Variants in MYT1 observed in about 807,000 individuals in gnomAD.
MYT1 encodes myelin transcription factor I.
In MYT1, 23 loss-of-function variants were observed where a neutral mutation model predicts 123.0. That is an observed-to-expected ratio of 0.19 (90% CI 0.13 to 0.26). The LOEUF (loss-of-function observed/expected upper bound fraction) is 0.26. Among genes scored for constraint, MYT1 ranks in the 10% least tolerant of loss-of-function variants. The pLI, the probability that MYT1 is intolerant of heterozygous loss-of-function variation, is 1.00. For missense variants in MYT1, 1,125 were observed against 1,472.5 expected (o/e 0.76, Z 3.86); for synonymous variants, 518 against 575.3 (o/e 0.90, Z 1.43).
chr20:64,218,153 G>GC lies in MYT1; in HGVS notation c.1847-756dup, dbSNP rs1327861352. 1.3e-5 allele frequency among the ~76,000 whole-genome samples: 2 copies of GC among 152,190 alleles called. No individual in the cohort carries two copies. The highest frequency in any genetic ancestry group is 2.9e-5 in the Non-Finnish European group (2 of 68,024). Reference sequence around the variant, plus strand: ...TGCTCTTTAGGATGGAGGACTTCCTGCCTCCAGGCACACATGCCTACTTGG... The same window carrying GC: ...TGCTCTTTAGGATGGAGGACTTCCTGCCCTCCAGGCACACATGCCTACTTGG... On this transcript the variant is annotated intron_variant, in intron 11 of 22. Coordinates refer to ENST00000328439, the MANE Select transcript of MYT1 (RefSeq NM_004535.3). The surrounding 1 kb of genome is among the most constrained non-coding windows in gnomAD (Gnocchi z 4.0).
In MYT1 at chr20:64,213,738, T is replaced by C; in HGVS notation, c.1631+91T>C. 1 of 988,774 alleles carries C rather than the reference T, an allele frequency of 1.0e-6. No individual in the cohort carries two copies. The allele number at this position is 988,774 out of a possible 1,614,324, so 61.3% of individuals were successfully genotyped here. A position where few individuals can be genotyped will look rare whatever the true frequency, so the allele number is the denominator to read the frequency against. ...CTCCCGCAGGCTGTATGTGCATGTG[T>C]GTGAGTGCATGTGTGTGAGTGTACG... is the stretch of plus-strand genomic sequence containing the variant. On this transcript the variant is annotated intron_variant, in intron 10 of 22. Coordinates refer to ENST00000328439, the MANE Select transcript of MYT1 (RefSeq NM_004535.3). The surrounding 1 kb of genome is among the most constrained non-coding windows in gnomAD (Gnocchi z 5.6).
In MYT1 at chr20:64,236,608, G is replaced by A. The variant is rs1000167467; in HGVS notation, c.2951G>A (p.Gly984Glu). The A allele has an allele frequency of 3.1e-6, 5 of 1,613,772 alleles. No individual in the cohort carries two copies. The highest frequency in any genetic ancestry group is 4.2e-6 in the Non-Finnish European group (5 of 1,179,858). Residue 984 changes from glycine (G) to glutamate (E), a missense_variant, in exon 20 of 23, where the codon GGG becomes GAG. Coordinates refer to ENST00000328439, the MANE Select transcript of MYT1 (RefSeq NM_004535.3). Reference protein sequence around the residue: ...TFAGKKGKLSGDEVLSPKFKT... With the variant: ...TFAGKKGKLSEDEVLSPKFKT... ...GCTGGAAAGAAGGGAAAACTGTCAG[G>A]GGATGAGGTCCTCAGTCCAAAGTTC... is the stretch of plus-strand genomic sequence containing the variant.
chr20:64,236,123 T>C (rs1235439045), intron 19 of MYT1, among the ~76,000 whole-genome samples: 5 of 118,704 alleles, frequency 4.2e-5, no homozygotes, highest in East Asian at 2.8e-4. Flanking sequence ...GGGCTGGCTG[T>C]GGTGGGTGAC....
rs909055833 is a variant in MYT1, at chr20:64,217,122, A to G, written c.1687A>G (p.Asn563Asp). The change falls in exon 11 of 23, where the codon AAC becomes GAC. Residue 563 changes from asparagine to aspartate, a missense_variant. Physicochemically the swap from Asn to Asp is conservative, Grantham distance 23. This residue lies in a region of MYT1 where 429 missense variants were observed against 604.1 expected (regional missense o/e 0.71). Coordinates refer to ENST00000328439, the MANE Select transcript of MYT1 (RefSeq NM_004535.3). The stretch of plus-strand genomic sequence containing the variant: ...CCCTCCATATGGGAGCTACCGGCCC[A>G]ACGTGGCCCCCGCCACACCCAGGGC... The part of the protein sequence containing the change: ...EVPPYGSYRP[N>D]VAPATPRANL... 5.6e-6 allele frequency: 9 copies of G among 1,613,982 alleles called. No homozygotes were observed. The African/African-American group carries it at 1.1e-4, about 19-fold the overall frequency.
intron 16 of MYT1, among the ~76,000 whole-genome samples, chr20:64,224,464 T>A (rs1984108331): frequency 6.6e-6 from 1 of 152,208 alleles, no homozygotes; most frequent in Admixed American, 6.5e-5. Flanking sequence ...GAGGCTGGTC[T>A]GGCCCCAGCA....
At position 64,171,309 on chromosome 20, in the gene MYT1, A is replaced by G. The variant is rs985983566; in HGVS notation, c.-99+6570A>G. ...AAGTCCTGTAAGGAGTCTGCTTCCTAGGTGCATCAGCCAGATAGGGAAAAC... is the reference window on the plus strand; with the variant it reads ...AAGTCCTGTAAGGAGTCTGCTTCCTGGGTGCATCAGCCAGATAGGGAAAAC... On this transcript the variant is annotated intron_variant, in intron 1 of 22. Coordinates refer to ENST00000328439, the MANE Select transcript of MYT1 (RefSeq NM_004535.3). Among the ~76,000 whole-genome samples, 5 of 152,094 alleles carry G rather than the reference A, an allele frequency of 3.3e-5. No individual in the cohort carries two copies. In the East Asian group the frequency reaches 9.6e-4, roughly 29 times the overall value.
At position 64,207,727 on chromosome 20, in the gene MYT1, G is replaced by A. The variant is rs1440609807; in HGVS notation, c.531G>A (p.Glu177=). ...SLLNLGQIAE[E]TLVEEDLGQA... Reference sequence around the variant, plus strand: ...TGAACTTGGGTCAAATTGCTGAAGAGACCCTGGTGGAAGAGGACTTGGGCC... The same window carrying A: ...TGAACTTGGGTCAAATTGCTGAAGAAACCCTGGTGGAAGAGGACTTGGGCC... Residue 177 remains glutamate, a synonymous_variant, in exon 7 of 23, where the codon GAG becomes GAA. Coordinates refer to ENST00000328439, the MANE Select transcript of MYT1 (RefSeq NM_004535.3). 4 of 1,614,078 alleles carry A rather than the reference G, an allele frequency of 2.5e-6. No individual in the cohort carries two copies. Among genetic ancestry groups the A allele is most frequent in the Non-Finnish European group, 3.4e-6 (4 of 1,180,018 alleles).
chr20:64,204,604 G>A (rs1298952111), intron 4 of MYT1, among the ~76,000 whole-genome samples: 2 of 121,212 alleles, frequency 1.7e-5, no homozygotes, highest in East Asian at 3.9e-4. Flanking sequence ...TGCAGAGACT[G>A]TTACCCTCGA....
chr20:64,232,495 G>C lies in MYT1; in HGVS notation c.2897+110G>C. 8.8e-7 allele frequency: 1 copy of C among 1,138,480 alleles called. No individual in the cohort carries two copies. 70.5% of individuals were successfully genotyped at this position (1,138,480 alleles called of 1,614,324 possible). On this transcript the variant is annotated intron_variant, in intron 19 of 22. Coordinates refer to ENST00000328439, the MANE Select transcript of MYT1 (RefSeq NM_004535.3). The surrounding 1 kb of genome is among the most constrained non-coding windows in gnomAD (Gnocchi z 6.9). Reference sequence around the variant, plus strand: ...GCCAGACCAGGGCTCCGTGTGACCAGAGTTGCTCAAGGGAAAGGCCAGGCC... The same window carrying C: ...GCCAGACCAGGGCTCCGTGTGACCACAGTTGCTCAAGGGAAAGGCCAGGCC...
At chr20:64,178,928 C>T (rs376714289) in intron 1 of MYT1, among the ~76,000 whole-genome samples, 25 of 126,742 alleles carry the variant, frequency 2.0e-4, no homozygotes, top group East Asian at 2.6e-4. Flanking sequence ...AGCACTGAGC[C>T]GTTATTCAGT....
intron 18 of MYT1, among the ~76,000 whole-genome samples, chr20:64,229,298 CCTT>C (rs1984258535): frequency 6.6e-6 from 1 of 152,194 alleles, no homozygotes; most frequent in Non-Finnish European, 1.5e-5. Flanking sequence ...AAGTGCAACA[CCTT>C]TATGGATTTG....
rs143344503 is a variant in MYT1 at position 64,196,330 on chromosome 20, G to A, written c.1-2532G>A. Among the ~76,000 whole-genome samples, 640 of 152,328 alleles carry A rather than the reference G, an allele frequency of 4.2e-3. 3 individuals are homozygous for A. Among genetic ancestry groups the A allele is most frequent in the African/African-American group, 0.014 (592 of 41,574 alleles). On this transcript the variant is annotated intron_variant, in intron 2 of 22. Transcript: ENST00000328439. The surrounding 1 kb of genome is among the most constrained non-coding windows in gnomAD (Gnocchi z 4.3). Reference sequence around the variant, plus strand: ...CCTGGGTGGTGCTGGGCACAGGGCCGCCCCCAGCACCCGCTCTCCATCTAC... The same window carrying A: ...CCTGGGTGGTGCTGGGCACAGGGCCACCCCCAGCACCCGCTCTCCATCTAC...
At chr20:64,223,913 C>T (rs748115139) in intron 16 of MYT1, among the ~76,000 whole-genome samples, 1 of 152,194 alleles carries the variant, frequency 6.6e-6, no homozygotes, top group Non-Finnish European at 1.5e-5. Context: ...TGGGCTCACC[C>T]GTTTCTGCTT....
At chr20:64,195,230 T>TG (rs1202469683) in intron 2 of MYT1, among the ~76,000 whole-genome samples, 3 of 152,106 alleles carry the variant, frequency 2.0e-5, no homozygotes, top group African/African-American at 7.2e-5. Context: ...GATTGCTTAC[T>TG]GCATTGGCTT....
At chr20:64,179,625 CCCAGTA>C (rs1982580075) in intron 1 of MYT1, among the ~76,000 whole-genome samples, 2 of 152,078 alleles carry the variant, frequency 1.3e-5, no homozygotes. Flanking sequence ...CCAGTGGAAG[CCCAGTA>C]CAGAGGCTCC....
At chr20:64,237,436 C>T in intron 21 of MYT1, 46 bp downstream of exon 21, 1 of 1,451,706 alleles carries the variant, frequency 6.9e-7, no homozygotes, top group Non-Finnish European at 9.5e-7. Flanking sequence ...CCCACCCAAC[C>T]CAAACATTCG....
In MYT1 at chr20:64,203,291, A is replaced by G. The variant is rs533075498; in HGVS notation, c.87-1744A>G. On this transcript the variant is annotated intron_variant, in intron 4 of 22. Transcript: ENST00000328439. The surrounding 1 kb of genome is among the most constrained non-coding windows in gnomAD (Gnocchi z 5.1). ...ATTGCCTGATTCACTCAGTGATGTCATCGGCTAATTGGGACCTTAGCTTCA... is the reference window on the plus strand; with the variant it reads ...ATTGCCTGATTCACTCAGTGATGTCGTCGGCTAATTGGGACCTTAGCTTCA... Among the ~76,000 whole-genome samples the G allele has an allele frequency of 7.9e-5, 12 of 152,352 alleles. No individual in the cohort carries two copies. In the South Asian group the frequency reaches 1.0e-3, roughly 13 times the overall value.
intron 1 of MYT1, among the ~76,000 whole-genome samples, chr20:64,170,882 TATAGAGAGAGAGAGAGAGAGAG>T (rs1982246594): frequency 2.4e-5 from 1 of 41,330 alleles, no homozygotes; most frequent in African/African-American, 1.2e-4. Context: ...TATATATATA[TATAGAGAGAGAGAGAGAGAGAG>T]AGAGAGAGAG....
chr20:64,170,878 TATATATAGAGAGAGAGAGAGAG>T (rs1396581736), intron 1 of MYT1, among the ~76,000 whole-genome samples: 6 of 55,634 alleles, frequency 1.1e-4, no homozygotes, highest in East Asian at 1.2e-3. Flanking sequence ...TATATATATA[TATATATAGAGAGAGAGAGAGAG>T]AGAGAGAGAG....
Sources: allele counts gnomAD v4.1 joint callset (sites outside exome capture counted in the v4.1 genomes callset), GRCh38; gene constraint gnomAD v4.1.1; regional missense constraint gnomAD v4.1.1; non-coding constraint Gnocchi (gnomAD v3.1); transcripts MANE v1.5; gene names NCBI Gene and HGNC (gene_info 2026-07-23, HGNC 2026-07-21).